RBFOX3: variants seen among roughly 807,000 people sequenced by gnomAD.
The protein encoded by RBFOX3 is RNA binding fox-1 homolog 3.
A neutral mutation model predicts 48.7 loss-of-function variants in RBFOX3; 17 were observed. That is an observed-to-expected ratio of 0.35 (90% confidence interval 0.24 to 0.52). The LOEUF (loss-of-function observed/expected upper bound fraction) is 0.52. Ranked by LOEUF, RBFOX3 falls within the 20% of genes least tolerant of loss-of-function variation. The pLI is 0.94. For missense variants in RBFOX3, 382 were observed against 497.5 expected (o/e 0.77, Z 2.21); for synonymous variants, 212 against 209.5 (o/e 1.01, Z -0.10).
chr17:79,624,872 C>T, the RBFOX3 span, among the ~76,000 whole-genome samples: 86 of 141,520 alleles, frequency 6.1e-4, 4 homozygotes, highest in East Asian at 0.017. Context: ...ACTTTGGGCA[C>T]ACTCACTGCC....
intron 2 of RBFOX3, among the ~76,000 whole-genome samples, chr17:79,424,700 C>T (rs1454394602): frequency 2.6e-5 from 4 of 152,174 alleles, no homozygotes; most frequent in African/African-American, 9.7e-5. Flanking sequence ...GACCTGCTGA[C>T]AACAGCCATA....
chr17:79,112,906 G>T (rs1304104466), intron 5 of RBFOX3, among the ~76,000 whole-genome samples: 1 of 110,938 alleles, frequency 9.0e-6, no homozygotes, highest in Non-Finnish European at 1.9e-5. Context: ...CAGGCTCTCG[G>T]GGGGGGGGTG....
intron 2 of RBFOX3, among the ~76,000 whole-genome samples, chr17:79,458,324 G>A (rs186044375): frequency 1.3e-5 from 2 of 152,286 alleles, no homozygotes; most frequent in Admixed American, 6.5e-5. Context: ...CAGGTGCCTC[G>A]CACCCTTCAC....
chr17:79,616,944 G>A, the RBFOX3 span, among the ~76,000 whole-genome samples: 2 of 152,182 alleles, frequency 1.3e-5, no homozygotes, highest in African/African-American at 2.4e-5. Context: ...TCACAGGGCC[G>A]GGCTGTGCTC....
intron 2 of RBFOX3, among the ~76,000 whole-genome samples, chr17:79,320,556 C>T (rs1466864046): frequency 6.6e-6 from 1 of 152,216 alleles, no homozygotes; most frequent in Admixed American, 6.5e-5. Flanking sequence ...CTTGGCAAAC[C>T]CTGCCCATAT....
At chr17:79,466,521 G>A (rs1416655595) in intron 2 of RBFOX3, among the ~76,000 whole-genome samples, 3 of 152,284 alleles carry the variant, frequency 2.0e-5, no homozygotes, top group East Asian at 1.9e-4. Flanking sequence ...TGGGACCTTG[G>A]GAGGGTCACC....
At chr17:79,250,565 C>A (rs2063788757) in intron 3 of RBFOX3, among the ~76,000 whole-genome samples, 1 of 152,182 alleles carries the variant, frequency 6.6e-6, no homozygotes, top group Non-Finnish European at 1.5e-5. Context: ...CACTGCTTGG[C>A]CGATACTCAA....
chr17:79,359,652 C>G (rs528593376), intron 2 of RBFOX3, among the ~76,000 whole-genome samples: 1 of 152,226 alleles, frequency 6.6e-6, no homozygotes, highest in East Asian at 1.9e-4. Flanking sequence ...TAGGATGGGG[C>G]TCCAGGGAGG....
rs940373729 is a variant in RBFOX3 at position 79,195,322 on chromosome 17, A to C, written c.-34+40444T>G. ...GAGGCTGAGACACGACAATCACTTG[A>C]ACCCAGGAGGCAGAGGTTGCAGTGA... On this transcript the variant is annotated intron_variant, in intron 4 of 14. Transcript: ENST00000693108. This position sits in a 1 kb window ranked among gnomAD's most constrained non-coding sequence, Gnocchi z 5.3. Among the ~76,000 whole-genome samples the C allele has an allele frequency of 2.0e-5, 3 of 152,120 alleles. No individual in the cohort carries two copies. The highest frequency in any genetic ancestry group is 2.9e-5 in the Non-Finnish European group (2 of 68,024).
At chr17:79,161,963 G>GC (rs1199186442) in intron 4 of RBFOX3, among the ~76,000 whole-genome samples, 1 of 152,194 alleles carries the variant, frequency 6.6e-6, no homozygotes. Flanking sequence ...AGGCTATGAG[G>GC]CCCCAGCGGG....
intron 1 of RBFOX3, among the ~76,000 whole-genome samples, chr17:79,582,257 T>G (rs2093094419): frequency 6.6e-6 from 1 of 151,966 alleles, no homozygotes; most frequent in Non-Finnish European, 1.5e-5. Flanking sequence ...TATGTGCCTG[T>G]GTATGCATGC....
At chr17:79,386,183 G>A (rs2060539334) in intron 2 of RBFOX3, among the ~76,000 whole-genome samples, 1 of 148,416 alleles carries the variant, frequency 6.7e-6, no homozygotes, top group Admixed American at 6.7e-5. Context: ...TCCTGTAACA[G>A]ATGGGGGTTC....
intron 2 of RBFOX3, among the ~76,000 whole-genome samples, chr17:79,406,834 C>G (rs1332248293): frequency 1.3e-5 from 2 of 152,154 alleles, no homozygotes; most frequent in African/African-American, 4.8e-5. Flanking sequence ...CAGCCAGGAC[C>G]TGGGGGGACA....
At chr17:79,277,305 G>T (rs951458729) in intron 3 of RBFOX3, among the ~76,000 whole-genome samples, 2 of 117,442 alleles carry the variant, frequency 1.7e-5, no homozygotes, top group South Asian at 6.6e-4. Context: ...TGGTGGGGAG[G>T]GGGGGGGTAG....
At chr17:79,542,576 G>C (rs2089870956) in intron 1 of RBFOX3, among the ~76,000 whole-genome samples, 1 of 152,232 alleles carries the variant, frequency 6.6e-6, no homozygotes. Context: ...CTGAGATCAG[G>C]AGTTCGAGAT....
intron 2 of RBFOX3, among the ~76,000 whole-genome samples, chr17:79,371,502 G>A (rs1465311809): frequency 6.6e-6 from 1 of 152,108 alleles, no homozygotes; most frequent in East Asian, 1.9e-4. Context: ...AGTCTATCAG[G>A]GGCTTTGGCT....
At chr17:79,145,148 G>A (rs898124737) in intron 4 of RBFOX3, among the ~76,000 whole-genome samples, 3 of 152,154 alleles carry the variant, frequency 2.0e-5, no homozygotes, top group African/African-American at 2.4e-5. Context: ...AGCTCAGGAA[G>A]CCCAGAGCCC....
At chr17:79,275,458 C>A (rs1420785173) in intron 3 of RBFOX3, among the ~76,000 whole-genome samples, 27 of 152,184 alleles carry the variant, frequency 1.8e-4, no homozygotes, top group Admixed American at 1.8e-3. Context: ...ATGGTCCCCC[C>A]CCAACCTCCA....
intron 2 of RBFOX3, among the ~76,000 whole-genome samples, chr17:79,461,553 C>T (rs1231049318): frequency 6.6e-6 from 1 of 152,218 alleles, no homozygotes; most frequent in East Asian, 1.9e-4. Context: ...GTGTCCCCAG[C>T]CCTGCTGAGC....
Sources: allele counts gnomAD v4.1 joint callset (sites outside exome capture counted in the v4.1 genomes callset), GRCh38; gene constraint gnomAD v4.1.1; non-coding constraint Gnocchi (gnomAD v3.1); transcripts MANE v1.5; gene names NCBI Gene and HGNC (gene_info 2026-07-23, HGNC 2026-07-21).